Variants in CTNND1 observed in about 807,000 individuals in gnomAD.
The protein encoded by CTNND1 is catenin delta-1.
Under a neutral mutation model 112.1 loss-of-function variants are expected in CTNND1, and 16 were observed. The observed-to-expected ratio is 0.14, with a 90% CI of 0.10 to 0.22. CTNND1 has a LOEUF of 0.22. Ranked by LOEUF, CTNND1 falls within the 10% of genes least tolerant of loss-of-function variation. The pLI is 1.00. For missense variants in CTNND1, 1,008 were observed against 1,257.0 expected (o/e 0.80, Z 3.00); for synonymous variants, 420 against 446.5 (o/e 0.94, Z 0.75).
chr11:57,787,818 AG>A (rs2060289957), intron 1 of CTNND1, among the ~76,000 whole-genome samples: 2 of 152,246 alleles, frequency 1.3e-5, no homozygotes, highest in Non-Finnish European at 2.9e-5. Context: ...AATTAGAGCC[AG>A]GTGGTCAGCT....
chr11:57,773,347 G>C (rs900682975), intron 1 of CTNND1, among the ~76,000 whole-genome samples: 2 of 152,010 alleles, frequency 1.3e-5, no homozygotes, highest in Non-Finnish European at 2.9e-5. Flanking sequence ...TGCCCAGGCT[G>C]GTCTCGAACT....
rs1467002536 is a variant in CTNND1 at position 57,791,604 on chromosome 11, A to G, written c.126A>G (p.Glu42=). 1.1e-5 allele frequency: 18 copies of G among 1,610,106 alleles called. No homozygotes were observed. The highest frequency in any genetic ancestry group is 1.3e-5 in the African/African-American group (1 of 74,760). The change falls in exon 3 of 21, where the codon GAA becomes GAG. Residue 42 remains glutamate, a synonymous_variant. Coordinates refer to ENST00000399050, the MANE Select transcript of CTNND1 (RefSeq NM_001085458.2). ...GGCGCCACGTCTCGGCGCAGCTGGA[A>G]CGCGTCCGGGTCTCACCACAAGATG... is the stretch of plus-strand genomic sequence containing the variant. The part of the protein sequence containing the change: ...EERRHVSAQL[E]RVRVSPQDAN...
At position 57,816,074 on chromosome 11, in the gene CTNND1, C is replaced by T. The variant is rs11229140; in HGVS notation, c.2895+73C>T. 6,462 of 1,327,494 alleles carry T rather than the reference C, an allele frequency of 4.9e-3. 261 individuals are homozygous for T. The African/African-American group carries it at 0.086, about 18-fold the overall frequency. The allele number at this position is 1,327,494 out of a possible 1,614,324, so 82.2% of individuals were successfully genotyped here. ...CTGAGTGCCAGCAACTTGTCAATCA[C>T]GCTAATCTGATCAGGCCAGAGACTA... On this transcript the variant is annotated intron_variant, in intron 20 of 20. Transcript: ENST00000399050.
rs373943881 is a variant in CTNND1, at chr11:57,786,394, G to A, written c.-213-2643G>A. On this transcript the variant is annotated intron_variant, in intron 1 of 20. Coordinates refer to ENST00000399050, the MANE Select transcript of CTNND1 (RefSeq NM_001085458.2). ...TAAAAATACAAAAAATTAGCCCGGTGTGGTGTCATGCACCTGTAATCCCAG... is the reference window on the plus strand; with the variant it reads ...TAAAAATACAAAAAATTAGCCCGGTATGGTGTCATGCACCTGTAATCCCAG... Among the ~76,000 whole-genome samples, 5 of 152,152 alleles carry A rather than the reference G, an allele frequency of 3.3e-5. No homozygotes were observed. In the South Asian group the frequency reaches 6.2e-4, roughly 19 times the overall value.
At chr11:57,803,873 A>C in intron 8 of CTNND1, 69 bp downstream of exon 8, 2 of 1,253,012 alleles carry the variant, frequency 1.6e-6, no homozygotes, top group Non-Finnish European at 2.2e-6. Flanking sequence ...CTAAAAAAAA[A>C]AAAAAATTAA....
chr11:57,775,042 T>C (rs1278957591), intron 1 of CTNND1, among the ~76,000 whole-genome samples: 1 of 150,530 alleles, frequency 6.6e-6, no homozygotes, highest in Non-Finnish European at 1.5e-5. Context: ...TTTTAAGACA[T>C]GAATTCCCAG....
intron 1 of CTNND1, among the ~76,000 whole-genome samples, chr11:57,767,075 G>A (rs966236625): frequency 1.3e-5 from 2 of 151,696 alleles, no homozygotes; most frequent in Admixed American, 6.6e-5. Flanking sequence ...GGTTTCAAGC[G>A]ATTCTCCTGC....
chr11:57,819,296 T>G lies in CTNND1; in HGVS notation c.*2988T>G, dbSNP rs2137778736. On this transcript the variant is annotated 3_prime_UTR_variant, in exon 21 of 21. Coordinates refer to ENST00000399050, the MANE Select transcript of CTNND1 (RefSeq NM_001085458.2). ...CTTGATTTGTGTCTAACAATTGTAG[T>G]GTTAGATTAGAGGTTGAAGTACAAA... 1 of 152,286 alleles carries G rather than the reference T, an allele frequency of 6.6e-6. No individual in the cohort carries two copies. Among genetic ancestry groups the G allele is most frequent in the South Asian group, 2.1e-4 (1 of 4,832 alleles). 9.4% of individuals were successfully genotyped at this position (152,286 alleles called of 1,614,324 possible). A position where few individuals can be genotyped will look rare whatever the true frequency, so the allele number is the denominator to read the frequency against.
chr11:57,803,721 T>C lies in CTNND1; in HGVS notation c.1521T>C (p.Gly507=), dbSNP rs764091703. The C allele has an allele frequency of 3.1e-6, 5 of 1,613,734 alleles. No individual in the cohort carries two copies. The highest frequency in any genetic ancestry group is 2.2e-5 in the East Asian group (1 of 44,854). ...LTDEVIIPHS[G]WEREPNEDCK... ...ATGAAGTGATCATTCCTCATTCTGG[T>C]TGGGAGCGGGAACCTAATGAAGACT... Residue 507 remains glycine (G), a synonymous_variant, in exon 8 of 21, where the codon GGT becomes GGC. Coordinates refer to ENST00000399050, the MANE Select transcript of CTNND1 (RefSeq NM_001085458.2).
At chr11:57,806,598 G>A in intron 11 of CTNND1, 120 bp downstream of exon 11, 2 of 891,272 alleles carry the variant, frequency 2.2e-6, no homozygotes, top group Admixed American at 2.4e-5. Context: ...TTCAGTTGAG[G>A]AAGACACTGA....
At position 57,819,136 on chromosome 11, in the gene CTNND1, C is replaced by G; in HGVS notation, c.*2828C>G. ...CAAGAGAATTTATGTGAAATGCTTT[C>G]TGTATGCCCAAATCTTTAGATTAAA... is the stretch of plus-strand genomic sequence containing the variant. On this transcript the variant is annotated 3_prime_UTR_variant, in exon 21 of 21. Coordinates refer to ENST00000399050, the MANE Select transcript of CTNND1 (RefSeq NM_001085458.2). 6.6e-6 allele frequency: 1 copy of G among 152,168 alleles called. No homozygotes were observed. The highest frequency in any genetic ancestry group is 1.5e-5 in the Non-Finnish European group (1 of 68,022). 9.4% of individuals were successfully genotyped at this position (152,168 alleles called of 1,614,324 possible).
chr11:57,763,145 T>C (rs1437314073), intron 1 of CTNND1, among the ~76,000 whole-genome samples: 1 of 152,226 alleles, frequency 6.6e-6, no homozygotes, highest in Non-Finnish European at 1.5e-5. Context: ...ATGACTGTGC[T>C]TTCATATCTT....
At position 57,797,100 on chromosome 11, in the gene CTNND1, T is replaced by C. The variant is rs994775930; in HGVS notation, c.956+108T>C. The C allele has an allele frequency of 4.2e-6, 4 of 959,244 alleles. No individual in the cohort carries two copies. In the African/African-American group the frequency reaches 4.9e-5, roughly 12 times the overall value. 59.4% of individuals were successfully genotyped at this position (959,244 alleles called of 1,614,324 possible). On this transcript the variant is annotated intron_variant, in intron 6 of 20. Coordinates refer to ENST00000399050, the MANE Select transcript of CTNND1 (RefSeq NM_001085458.2). ...TTTGGGATCAGAGATACTCGTGGCCTCCTCCCCTCTGCTTTTTTTTGGGGT... is the reference window on the plus strand; with the variant it reads ...TTTGGGATCAGAGATACTCGTGGCCCCCTCCCCTCTGCTTTTTTTTGGGGT...
intron 1 of CTNND1, among the ~76,000 whole-genome samples, chr11:57,765,460 ATTTTT>A (rs5792061): frequency 9.5e-6 from 1 of 105,598 alleles, no homozygotes; most frequent in Non-Finnish European, 1.9e-5. Flanking sequence ...TCCTCCCTTA[ATTTTT>A]TTTTTTTTTT....
At chr11:57,775,050 C>A (rs1198129136) in intron 1 of CTNND1, among the ~76,000 whole-genome samples, 3 of 151,150 alleles carry the variant, frequency 2.0e-5, no homozygotes, top group Non-Finnish European at 4.4e-5. Flanking sequence ...CATGAATTCC[C>A]AGACTTCCCT....
At chr11:57,768,398 T>C (rs1194735567) in intron 1 of CTNND1, among the ~76,000 whole-genome samples, 1 of 139,980 alleles carries the variant, frequency 7.1e-6, no homozygotes, top group East Asian at 2.1e-4. Context: ...TTTTTTTTTT[T>C]TTTTTTTTTT....
At chr11:57,808,675 C>A (rs1041013876) in intron 14 of CTNND1, 135 bp downstream of exon 14, 2 of 789,354 alleles carry the variant, frequency 2.5e-6, no homozygotes, top group Non-Finnish European at 1.8e-6. Flanking sequence ...TTTATGAATG[C>A]GAGAGTTGGT....
chr11:57,796,841 A>G lies in CTNND1; in HGVS notation c.805A>G (p.Ser269Gly), dbSNP rs1333994199. 6.2e-7 allele frequency: 1 copy of G among 1,611,966 alleles called. No individual in the cohort carries two copies. Reference sequence around the variant, plus strand: ...ACCCCAGGTTCGGGTAGGTGGGAGCAGCGTGGATCTGCATCGCTTTCATCC... The same window carrying G: ...ACCCCAGGTTCGGGTAGGTGGGAGCGGCGTGGATCTGCATCGCTTTCATCC... ...PQPQVRVGGS[S>G]VDLHRFHPEP... The change falls in exon 6 of 21, where the codon AGC (serine) becomes GGC (glycine). Residue 269 changes from serine to glycine, a missense_variant. Physicochemically the swap from Ser to Gly is moderately conservative, Grantham distance 56. Coordinates refer to ENST00000399050, the MANE Select transcript of CTNND1 (RefSeq NM_001085458.2).
In CTNND1 at chr11:57,805,870, T is replaced by C; in HGVS notation, c.1723-12T>C. ...CATTCTTTTTTCTCATTGGCCCTTT[T>C]ATGTCCCTAAGCTTGTAGAGAACTG... is the stretch of plus-strand genomic sequence containing the variant. On this transcript the variant is annotated splice_polypyrimidine_tract_variant and intron_variant, in intron 9 of 20. Transcript: ENST00000399050. The C allele has an allele frequency of 1.3e-5, 21 of 1,609,804 alleles. No individual in the cohort carries two copies. The highest frequency in any genetic ancestry group is 1.8e-5 in the Non-Finnish European group (21 of 1,177,452).
Sources: gnomAD v4.1 joint callset for allele counts (sites outside exome capture counted in the v4.1 genomes callset) on GRCh38, gnomAD v4.1.1 for gene constraint, MANE v1.5 for transcripts, NCBI Gene and HGNC (gene_info 2026-07-23, HGNC 2026-07-21) for gene names.